Variants in DMD observed in about 807,000 individuals in gnomAD.
DMD encodes the protein dystrophin, also known as mutant dystrophin.
DMD carries 63 observed loss-of-function variants against 330.1 expected under a neutral mutation model. The observed-to-expected ratio is 0.19, with a 90% CI of 0.16 to 0.24. DMD has a LOEUF of 0.24. Ranked by LOEUF, DMD falls within the 10% of genes least tolerant of loss-of-function variation. DMD has a pLI of 1.00. For missense variants in DMD, 3,344 were observed against 2,684.1 expected (o/e 1.25, Z -5.43); for synonymous variants, 1,223 against 959.8 (o/e 1.27, Z -5.07).
chrX:32,475,265 G>A (rs764270970), intron 21 of DMD, among the ~76,000 whole-genome samples: 2 of 111,704 alleles, frequency 1.8e-5, no homozygotes, highest in East Asian at 2.8e-4. Context: ...TGGCCTTATA[G>A]TATAGTTTGA....
At chrX:32,251,265 C>T (rs1443679167) in intron 43 of DMD, among the ~76,000 whole-genome samples, 1 of 111,216 alleles carries the variant, frequency 9.0e-6, no homozygotes, top group East Asian at 2.8e-4. Flanking sequence ...TAGGTTATTG[C>T]ACCCACTCAC....
intron 46 of DMD, among the ~76,000 whole-genome samples, chrX:31,930,525 C>T (rs893684621): frequency 3.6e-5 from 4 of 111,615 alleles, no homozygotes; most frequent in African/African-American, 1.3e-4. Flanking sequence ...GTTACTGTGT[C>T]TGCTACAGTA....
At chrX:32,932,690 T>C (rs938783728) in intron 2 of DMD, among the ~76,000 whole-genome samples, 2 of 111,909 alleles carry the variant, frequency 1.8e-5, no homozygotes, top group African/African-American at 6.5e-5. Context: ...CCCATTATAG[T>C]GTAGTTTAAA....
intron 30 of DMD, among the ~76,000 whole-genome samples, chrX:32,404,164 T>C (rs1029705490): frequency 8.9e-5 from 10 of 112,152 alleles, no homozygotes; most frequent in South Asian, 3.7e-4. Context: ...CACGGGAAGA[T>C]TGCAATTACG....
At chrX:31,632,649 A>C (rs2079193723) in intron 54 of DMD, among the ~76,000 whole-genome samples, 1 of 111,628 alleles carries the variant, frequency 9.0e-6, no homozygotes, top group South Asian at 3.7e-4. Context: ...TTTTGGTGAG[A>C]TATAGGTCAG....
intron 51 of DMD, among the ~76,000 whole-genome samples, chrX:31,738,441 T>C (rs921689737): frequency 3.6e-5 from 4 of 112,096 alleles, no homozygotes; most frequent in African/African-American, 1.3e-4. Context: ...TTGACAAGTA[T>C]GTGAAGAAAA....
At chrX:32,007,172 A>C (rs960256132) in intron 44 of DMD, among the ~76,000 whole-genome samples, 2 of 104,518 alleles carry the variant, frequency 1.9e-5, no homozygotes, top group African/African-American at 3.5e-5. Flanking sequence ...ATACATATGT[A>C]ACTAACCTGC....
intron 52 of DMD, among the ~76,000 whole-genome samples, chrX:31,721,184 T>C (rs2085444407): frequency 8.9e-6 from 1 of 111,805 alleles, no homozygotes; most frequent in Non-Finnish European, 1.9e-5. Flanking sequence ...GAGATTTATA[T>C]GTGAAGAAAC....
At chrX:32,542,816 C>T (rs1403957965) in intron 17 of DMD, among the ~76,000 whole-genome samples, 5 of 111,968 alleles carry the variant, frequency 4.5e-5, no homozygotes, top group Non-Finnish European at 9.4e-5. Context: ...ATTTATCAAT[C>T]AAGTGTCGTA....
intron 2 of DMD, among the ~76,000 whole-genome samples, chrX:33,005,689 G>A (rs993257670): frequency 9.1e-6 from 1 of 110,421 alleles, no homozygotes; most frequent in African/African-American, 3.3e-5. Flanking sequence ...AACTTTCTCA[G>A]GAAGATCAGG....
intron 2 of DMD, among the ~76,000 whole-genome samples, chrX:33,006,719 A>C (rs2093404689): frequency 9.0e-6 from 1 of 111,309 alleles, no homozygotes; most frequent in Non-Finnish European, 1.9e-5. Context: ...AAATGTATTT[A>C]TTCTTGTTCT....
chrX:33,095,503 G>A (rs1477827488), intron 1 of DMD, among the ~76,000 whole-genome samples: 1 of 112,164 alleles, frequency 8.9e-6, no homozygotes, highest in Admixed American at 9.5e-5. Context: ...CATTGCTCAT[G>A]TTGTGTTTAC....
chrX:32,380,635 G>A lies in DMD; in HGVS notation c.4720C>T (p.Arg1574Cys), dbSNP rs781465089. 1.7e-6 allele frequency: 2 copies of A among 1,206,585 alleles called. No homozygotes were observed. Among genetic ancestry groups the A allele is most frequent in the Non-Finnish European group, 1.1e-6 (1 of 893,742 alleles). Residue 1574 changes from arginine (R) to cysteine (C), a missense_variant, in exon 34 of 79, where the codon CGT (arginine) becomes TGT (cysteine). Physicochemically the swap from Arg to Cys is radical, Grantham distance 180. Coordinates refer to ENST00000357033, the MANE Select transcript of DMD (RefSeq NM_004006.3). ...QQLEKCLKLSRKMRKEMNVLT... is the reference protein window; with the variant it reads ...QQLEKCLKLSCKMRKEMNVLT... ...ACATTCATTTCCTTTCGCATCTTAC[G>A]GGACAATTTCAAGCATTTCTCCAAC...
chrX:31,240,941 AT>A (rs1004966696), intron 63 of DMD, among the ~76,000 whole-genome samples: 23 of 106,710 alleles, frequency 2.2e-4, no homozygotes, highest in Admixed American at 9.1e-4. Flanking sequence ...CCTAAGCTTC[AT>A]TTTTTTTTTG....
intron 47 of DMD, among the ~76,000 whole-genome samples, chrX:31,883,549 T>A (rs1344367718): frequency 9.0e-6 from 1 of 111,661 alleles, no homozygotes. Context: ...TCCAAAATGC[T>A]ACTTCTATGA....
At chrX:32,411,974 T>A (rs1291255755) in intron 29 of DMD, 61 bp from the exon 30 acceptor site, 1 of 1,192,481 alleles carries the variant, frequency 8.4e-7, no homozygotes, top group Admixed American at 2.2e-5. Flanking sequence ...TTTTCTGTAA[T>A]CCTGCTGAAC....
At chrX:31,606,127 C>T (rs936912898) in intron 55 of DMD, among the ~76,000 whole-genome samples, 11 of 111,175 alleles carry the variant, frequency 9.9e-5, no homozygotes, top group Admixed American at 7.7e-4. Context: ...CTTCCTACTT[C>T]GCTGGGCGCT....
chrX:32,881,276 G>A (rs914349656), intron 2 of DMD, among the ~76,000 whole-genome samples: 3 of 112,580 alleles, frequency 2.7e-5, no homozygotes, highest in African/African-American at 9.7e-5. Flanking sequence ...CTTGGCTACA[G>A]AATATTTTAA....
intron 27 of DMD, among the ~76,000 whole-genome samples, chrX:32,446,211 G>T (rs192293470): frequency 6.3e-5 from 7 of 110,545 alleles, no homozygotes; most frequent in African/African-American, 2.3e-4. Flanking sequence ...AGGTGACAAA[G>T]TATAAATGAA....
Sources: allele counts gnomAD v4.1 joint callset (sites outside exome capture counted in the v4.1 genomes callset), GRCh38; gene constraint gnomAD v4.1.1; transcripts MANE v1.5; gene names NCBI Gene and HGNC (gene_info 2026-07-23, HGNC 2026-07-21).